FUNDC1: variants seen among roughly 807,000 people sequenced by gnomAD.
The protein encoded by FUNDC1 is FUN14 domain containing 1, also known as FUN14 domain-containing protein 1.
Under a neutral mutation model 14.5 loss-of-function variants are expected in FUNDC1, and 10 were observed. The ratio of observed to expected loss-of-function variants is 0.69; its 90% CI spans 0.43 to 1.17. The LOEUF (loss-of-function observed/expected upper bound fraction) is 1.17. Among genes scored for constraint, FUNDC1 ranks in the 50% most tolerant of loss-of-function variants. The pLI is 0.00. For missense variants in FUNDC1, 115 were observed against 113.8 expected (o/e 1.01, Z -0.05); for synonymous variants, 33 against 39.7 (o/e 0.83, Z 0.64).
Position 44,523,877 on chromosome X carries a change from A to G in FUNDC1, c.*321T>C, listed in dbSNP as rs2038890803. The G allele has an allele frequency of 5.5e-6, 1 of 182,521 alleles. No individual in the cohort carries two copies. Among genetic ancestry groups the G allele is most frequent in the African/African-American group, 3.0e-5 (1 of 33,582 alleles). 15.0% of individuals were successfully genotyped at this position (182,521 alleles called of 1,213,427 possible). Reference sequence around the variant, plus strand: ...TATTTCGCTAAGCAATAAACCCAACATATTTCTTTTCTCTCCATATCTACA... The same window carrying G: ...TATTTCGCTAAGCAATAAACCCAACGTATTTCTTTTCTCTCCATATCTACA... On this transcript the variant is annotated 3_prime_UTR_variant, in exon 5 of 5. Transcript: ENST00000378045.
intron 3 of FUNDC1, among the ~76,000 whole-genome samples, chrX:44,534,567 C>T (rs1423180611): frequency 9.4e-6 from 1 of 106,883 alleles, no homozygotes; most frequent in African/African-American, 3.4e-5. Flanking sequence ...AATCAGAATA[C>T]TGAGGACAAA....
intron 3 of FUNDC1, among the ~76,000 whole-genome samples, chrX:44,533,627 C>CAAAAAA (rs1156843539): frequency 1.6e-4 from 3 of 18,705 alleles, no homozygotes; most frequent in African/African-American, 7.5e-4. Flanking sequence ...GACTCCGTCT[C>CAAAAAA]AAAAAAAAAA....
At chrX:44,536,959 T>A (rs1251532346) in intron 3 of FUNDC1, among the ~76,000 whole-genome samples, 1 of 112,353 alleles carries the variant, frequency 8.9e-6, no homozygotes, top group Non-Finnish European at 1.9e-5. Context: ...TACCTTTAAA[T>A]ATAAGAAAGG....
intron 3 of FUNDC1, among the ~76,000 whole-genome samples, chrX:44,536,797 A>G (rs867550067): frequency 3.6e-5 from 4 of 111,906 alleles, no homozygotes; most frequent in Non-Finnish European, 7.5e-5. Context: ...GCCTTGCACA[A>G]GTACTTGGCC....
intron 4 of FUNDC1, among the ~76,000 whole-genome samples, chrX:44,525,910 CAT>C (rs1329244359): frequency 9.2e-6 from 1 of 108,366 alleles, no homozygotes. Context: ...TTAATAATGG[CAT>C]TTGGCCAGGC....
rs1569187018 is a variant in FUNDC1 at position 44,531,284 on chromosome X, ACGGCTTT to A, written c.262-3926_262-3920del. Among the ~76,000 whole-genome samples, 181 of 52,416 alleles carry A rather than the reference ACGGCTTT, an allele frequency of 3.5e-3. 16 individuals are homozygous for A. The highest frequency in any genetic ancestry group is 0.027 in the African/African-American group (82 of 3,034). The allele number at this position is 52,416 out of a possible 115,157, so 45.5% of individuals were successfully genotyped here. On this transcript the variant is annotated intron_variant, in intron 3 of 4. Transcript: ENST00000378045. ...CACACACACACACACACACACACAC[ACGGCTTT>A]CAGATGAAGATTCATGTTGGCCAGA...
intron 3 of FUNDC1, among the ~76,000 whole-genome samples, chrX:44,532,913 T>C (rs957012065): frequency 8.9e-6 from 1 of 112,149 alleles, no homozygotes; most frequent in African/African-American, 3.2e-5. Context: ...AAATGGCTAG[T>C]CACTGCAGAG....
At chrX:44,529,015 C>A (rs2038912657) in intron 3 of FUNDC1, among the ~76,000 whole-genome samples, 1 of 112,093 alleles carries the variant, frequency 8.9e-6, no homozygotes, top group South Asian at 3.7e-4. Flanking sequence ...ATTATCTATA[C>A]CACCACTCAT....
In FUNDC1 at chrX:44,535,713, C is replaced by T. The variant is rs747857230; in HGVS notation, c.261+2754G>A. On this transcript the variant is annotated intron_variant, in intron 3 of 4. Transcript: ENST00000378045. Reference sequence around the variant, plus strand: ...AAAAAGAAAGAATCCTGGCTGGGCGCGGTGGCTCACGCCTGTAATCCCAGC... The same window carrying T: ...AAAAAGAAAGAATCCTGGCTGGGCGTGGTGGCTCACGCCTGTAATCCCAGC... Among the ~76,000 whole-genome samples, 8 of 105,066 alleles carry T rather than the reference C, an allele frequency of 7.6e-5. 1 individual carries two copies. The South Asian group carries it at 1.3e-3, about 17-fold the overall frequency. The allele number at this position is 105,066 out of a possible 115,157, so 91.2% of individuals were successfully genotyped here. A position where few individuals can be genotyped will look rare whatever the true frequency, so the allele number is the denominator to read the frequency against.
chrX:44,524,325 T>C (rs1378372089), intron 4 of FUNDC1, 50 bp from the exon 5 acceptor site: 2 of 842,725 alleles, frequency 2.4e-6, no homozygotes, highest in South Asian at 2.1e-5. Flanking sequence ...ACAACAGGGA[T>C]GAACCTTGAA....
intron 3 of FUNDC1, among the ~76,000 whole-genome samples, chrX:44,536,133 G>A (rs1176549865): frequency 2.7e-5 from 3 of 109,721 alleles, no homozygotes; most frequent in Non-Finnish European, 5.7e-5. Context: ...CCAAGATGGT[G>A]AAACCCCATC....
chrX:44,535,669 CAAAAAAAAAAAAAA>C (rs1224864816), intron 3 of FUNDC1, among the ~76,000 whole-genome samples: 6 of 32,282 alleles, frequency 1.9e-4, no homozygotes, highest in Admixed American at 1.4e-3. Context: ...GACTCTGTCT[CAAAAAAAAAAAAAA>C]AAAAAAAAAG....
At chrX:44,529,385 AG>A (rs1291858376) in intron 3 of FUNDC1, among the ~76,000 whole-genome samples, 1 of 111,468 alleles carries the variant, frequency 9.0e-6, no homozygotes, top group Non-Finnish European at 1.9e-5. Context: ...AATGTCAAAC[AG>A]TTGCAAGGAA....
intron 2 of FUNDC1, among the ~76,000 whole-genome samples, chrX:44,540,379 T>C (rs1352632729): frequency 9.0e-6 from 1 of 110,753 alleles, no homozygotes; most frequent in Non-Finnish European, 1.9e-5. Context: ...ATACAGCTCC[T>C]GGACCAACAC....
intron 3 of FUNDC1, among the ~76,000 whole-genome samples, chrX:44,528,005 G>T (rs931861416): frequency 5.4e-5 from 6 of 111,646 alleles, no homozygotes; most frequent in Middle Eastern, 9.4e-3. Context: ...ATAGCTAAAT[G>T]CCTATCATAA....
intron 2 of FUNDC1, among the ~76,000 whole-genome samples, chrX:44,540,422 G>GTA (rs199805321): frequency 1.8e-5 from 2 of 109,042 alleles, no homozygotes; most frequent in African/African-American, 3.3e-5. Flanking sequence ...TGTTGTGTGT[G>GTA]TGTGTGTGTG....
At chrX:44,526,248 G>T (rs1395919045) in intron 4 of FUNDC1, among the ~76,000 whole-genome samples, 4 of 111,243 alleles carry the variant, frequency 3.6e-5, no homozygotes, top group African/African-American at 1.3e-4. Flanking sequence ...GGCCAACATG[G>T]TGAAACCCTG....
intron 3 of FUNDC1, among the ~76,000 whole-genome samples, chrX:44,532,555 A>AT (rs1569187766): frequency 3.8e-5 from 4 of 105,840 alleles, no homozygotes; most frequent in African/African-American, 1.4e-4. Context: ...ATATATATAT[A>AT]TATTTTTTTT....
In FUNDC1 at chrX:44,524,039, G is replaced by A. The variant is rs2038891648; in HGVS notation, c.*159C>T. ...TTTACAGCAGATACTAGTTTGCCAA[G>A]CTTCAGATGGCAAAATGCTAAGTTG... On this transcript the variant is annotated 3_prime_UTR_variant, in exon 5 of 5. Coordinates refer to ENST00000378045, the MANE Select transcript of FUNDC1 (RefSeq NM_173794.4). 2.3e-6 allele frequency: 1 copy of A among 444,028 alleles called. No individual in the cohort carries two copies. The highest frequency in any genetic ancestry group is 4.0e-6 in the Non-Finnish European group (1 of 249,741). 36.6% of individuals were successfully genotyped at this position (444,028 alleles called of 1,213,427 possible).
Sources: gnomAD v4.1 joint callset for allele counts (sites outside exome capture counted in the v4.1 genomes callset) on GRCh38, gnomAD v4.1.1 for gene constraint, MANE v1.5 for transcripts, NCBI Gene and HGNC (gene_info 2026-07-23, HGNC 2026-07-21) for gene names.